The following KLF8 variants were observed in gnomAD, a reference collection of about 807,000 sequenced individuals.
KLF8 encodes the protein Krueppel-like factor 8.
A neutral mutation model predicts 18.2 loss-of-function variants in KLF8; 10 were observed. The observed-to-expected ratio is 0.55, with a 90% CI of 0.34 to 0.93. The LOEUF (loss-of-function observed/expected upper bound fraction) is 0.93. Ranked by LOEUF, KLF8 falls within the 40% of genes least tolerant of loss-of-function variation. The probability of loss-of-function intolerance (pLI) is 0.02; values close to 1 mark genes in which losing one functional copy is unlikely to be tolerated. For synonymous variants in KLF8, 109 were observed against 97.3 expected (o/e 1.12, Z -0.71); for missense variants, 264 against 277.9 (o/e 0.95, Z 0.36).
the KLF8 span, among the ~76,000 whole-genome samples, chrX:56,142,691 C>A: frequency 1.8e-5 from 2 of 111,829 alleles, no homozygotes; most frequent in African/African-American, 6.5e-5. Flanking sequence ...TCTTCCCCAC[C>A]CTTTATCACC....
chrX:55,996,510 A>G, the KLF8 span, among the ~76,000 whole-genome samples: 1 of 111,396 alleles, frequency 9.0e-6, no homozygotes. Flanking sequence ...TTAATCTTTG[A>G]AGTTTATGTC....
chrX:56,011,193 G>C, the KLF8 span, among the ~76,000 whole-genome samples: 1 of 111,875 alleles, frequency 8.9e-6, no homozygotes, highest in Non-Finnish European at 1.9e-5. Flanking sequence ...ACATGGCACT[G>C]ACTCTAAAAT....
At chrX:56,128,284 G>A in the KLF8 span, among the ~76,000 whole-genome samples, 1 of 111,997 alleles carries the variant, frequency 8.9e-6, no homozygotes, top group East Asian at 2.8e-4. Context: ...TGATGGTTTT[G>A]AAAATTATTT....
the KLF8 span, among the ~76,000 whole-genome samples, chrX:56,022,598 C>T: frequency 2.9e-5 from 3 of 103,346 alleles, no homozygotes; most frequent in African/African-American, 1.1e-4. Context: ...ATATCTGAAG[C>T]TCAGTAGGAG....
At chrX:55,924,550 A>G in the KLF8 span, among the ~76,000 whole-genome samples, 2 of 111,907 alleles carry the variant, frequency 1.8e-5, no homozygotes, top group Admixed American at 1.9e-4. Flanking sequence ...TTCCCAGAGC[A>G]TAAAATAGTG....
At chrX:56,130,742 T>A in the KLF8 span, among the ~76,000 whole-genome samples, 1 of 111,474 alleles carries the variant, frequency 9.0e-6, no homozygotes, top group Non-Finnish European at 1.9e-5. Context: ...AGTCCAAACT[T>A]TAAAATTTTT....
the KLF8 span, among the ~76,000 whole-genome samples, chrX:55,934,687 C>A: frequency 6.8e-4 from 76 of 112,499 alleles, no homozygotes; most frequent in African/African-American, 2.2e-3. Context: ...ATATCTTCAA[C>A]CAATTTCTCT....
At chrX:56,134,190 A>G in the KLF8 span, among the ~76,000 whole-genome samples, 1 of 111,778 alleles carries the variant, frequency 8.9e-6, no homozygotes, top group Non-Finnish European at 1.9e-5. Flanking sequence ...GGAACCAAAA[A>G]AAAAATTTTG....
chrX:56,188,044 A>G, the KLF8 span, among the ~76,000 whole-genome samples: 1 of 110,996 alleles, frequency 9.0e-6, no homozygotes, highest in Non-Finnish European at 1.9e-5. Context: ...CAGGCGAAGG[A>G]AATAAAGGGT....
the KLF8 span, among the ~76,000 whole-genome samples, chrX:56,025,532 T>C: frequency 1.8e-5 from 2 of 112,051 alleles, no homozygotes; most frequent in Non-Finnish European, 3.8e-5. Flanking sequence ...TCATGGCAGA[T>C]ATACTTATTT....
chrX:56,146,280 CTG>C, the KLF8 span, among the ~76,000 whole-genome samples: 1 of 111,874 alleles, frequency 8.9e-6, no homozygotes, highest in African/African-American at 3.2e-5. Context: ...TATTGTGGCA[CTG>C]TTAACAATAG....
the KLF8 span, among the ~76,000 whole-genome samples, chrX:56,010,105 G>A: frequency 2.1e-4 from 23 of 111,395 alleles, 1 homozygote; most frequent in South Asian, 3.8e-4. Flanking sequence ...CAGGAAACAC[G>A]GAGAACCTCA....
At chrX:56,130,691 T>C in the KLF8 span, among the ~76,000 whole-genome samples, 1 of 111,671 alleles carries the variant, frequency 9.0e-6, no homozygotes, top group African/African-American at 3.3e-5. Flanking sequence ...ATTCAGACTG[T>C]CAATTATTAA....
chrX:56,248,658 A>G (rs953971589), intron 1 of KLF8, among the ~76,000 whole-genome samples: 2 of 111,676 alleles, frequency 1.8e-5, no homozygotes, highest in Non-Finnish European at 3.8e-5. Context: ...TCTGGCAGCA[A>G]CAAAGAAAGC....
the KLF8 span, among the ~76,000 whole-genome samples, chrX:55,951,344 G>A: frequency 1.2e-4 from 13 of 108,139 alleles, no homozygotes; most frequent in Non-Finnish European, 5.7e-5. Flanking sequence ...GGTGTGGTGG[G>A]GGGCGCCTGT....
the KLF8 span, among the ~76,000 whole-genome samples, chrX:56,209,327 A>T: frequency 9.3e-6 from 1 of 107,283 alleles, no homozygotes; most frequent in Admixed American, 1.0e-4. Flanking sequence ...GTATTTTTTC[A>T]TTTTCAGTCT....
At chrX:56,042,763 C>A in the KLF8 span, among the ~76,000 whole-genome samples, 1 of 111,386 alleles carries the variant, frequency 9.0e-6, no homozygotes, top group Non-Finnish European at 1.9e-5. Flanking sequence ...TTGAAGACAG[C>A]AATTAGATGG....
chrX:55,956,192 G>C, the KLF8 span, among the ~76,000 whole-genome samples: 15,359 of 96,875 alleles, frequency 0.16, 2,296 homozygotes, highest in African/African-American at 0.58. Flanking sequence ...ATCTATCTAT[G>C]TATCTATCTA....
the KLF8 span, among the ~76,000 whole-genome samples, chrX:55,985,608 C>A: frequency 1.9e-5 from 2 of 104,767 alleles, no homozygotes; most frequent in Non-Finnish European, 3.9e-5. Context: ...GGCTATTCAG[C>A]GTCTTTTTTG....
Sources: allele counts gnomAD v4.1 joint callset (sites outside exome capture counted in the v4.1 genomes callset), GRCh38; gene constraint gnomAD v4.1.1; transcripts MANE v1.5; gene names NCBI Gene and HGNC (gene_info 2026-07-23, HGNC 2026-07-21).